The following KCNJ3 variants were observed in gnomAD, a reference collection of about 807,000 sequenced individuals.
KCNJ3 encodes potassium inwardly rectifying channel subfamily J member 3, also known as G protein-activated inward rectifier potassium channel 1.
A neutral mutation model predicts 39.2 loss-of-function variants in KCNJ3; 4 were observed. That is an observed-to-expected ratio of 0.10 (90% CI 0.05 to 0.23). KCNJ3 has a LOEUF of 0.23. Ranked by LOEUF, KCNJ3 falls within the 10% of genes least tolerant of loss-of-function variation. KCNJ3 has a pLI of 1.00. For synonymous variants in KCNJ3, 230 were observed against 237.4 expected (o/e 0.97, Z 0.29); for missense variants, 276 against 634.9 (o/e 0.43, Z 6.08).
chr2:154,711,227 T>C (rs960097852), intron 2 of KCNJ3, among the ~76,000 whole-genome samples: 1 of 152,118 alleles, frequency 6.6e-6, no homozygotes, highest in Non-Finnish European at 1.5e-5. Context: ...GTATAACCAA[T>C]ATATAAAGGC....
chr2:154,754,107 C>T (rs192851576), intron 2 of KCNJ3, among the ~76,000 whole-genome samples: 4 of 152,214 alleles, frequency 2.6e-5, no homozygotes, highest in Admixed American at 1.3e-4. Flanking sequence ...TTACAAAGTT[C>T]CCATCTATTC....
intron 2 of KCNJ3, among the ~76,000 whole-genome samples, chr2:154,820,228 C>T (rs971648839): frequency 1.3e-5 from 2 of 152,092 alleles, no homozygotes; most frequent in Non-Finnish European, 2.9e-5. Context: ...GCATATACAG[C>T]CCACTTTATC....
rs1485006357 is a variant in KCNJ3, at chr2:154,752,178, A to AAG, written c.919+42360_919+42361insGA. Among the ~76,000 whole-genome samples, 129 of 152,182 alleles carry AAG rather than the reference A, an allele frequency of 8.5e-4. 2 individuals are homozygous for AAG. Among genetic ancestry groups the AAG allele is most frequent in the Non-Finnish European group, 4.4e-5 (3 of 67,942 alleles). ...TTAAGTGCTGAAAAATATATTCTTG[A>AAG]ATATATAAACATTTTGGTGTACTCA... On this transcript the variant is annotated intron_variant, in intron 2 of 2. Transcript: ENST00000295101.
chr2:154,721,930 A>G (rs1410042006), intron 2 of KCNJ3, among the ~76,000 whole-genome samples: 2 of 152,150 alleles, frequency 1.3e-5, no homozygotes, highest in African/African-American at 4.8e-5. Context: ...AGTTATTTAA[A>G]TGCATGTCTT....
chr2:154,829,800 CTTA>C (rs1017095094), intron 2 of KCNJ3, among the ~76,000 whole-genome samples: 9 of 152,070 alleles, frequency 5.9e-5, no homozygotes, highest in African/African-American at 1.9e-4. Context: ...TAATAACATT[CTTA>C]TTATCAATTA....
At chr2:154,755,821 G>A (rs751963002) in intron 2 of KCNJ3, among the ~76,000 whole-genome samples, 24 of 151,970 alleles carry the variant, frequency 1.6e-4, no homozygotes, top group Non-Finnish European at 3.4e-4. Context: ...GATAGGGTGG[G>A]AAATTTAGAT....
intron 2 of KCNJ3, among the ~76,000 whole-genome samples, chr2:154,780,228 T>C (rs1372281031): frequency 6.6e-6 from 1 of 152,140 alleles, no homozygotes; most frequent in East Asian, 1.9e-4. Flanking sequence ...CTGGTTATAA[T>C]AAGTGTTTCA....
intron 2 of KCNJ3, among the ~76,000 whole-genome samples, chr2:154,787,388 A>G (rs1305844889): frequency 6.6e-6 from 1 of 151,962 alleles, no homozygotes. Context: ...GAATTTCAAC[A>G]TATAATGGAG....
intron 2 of KCNJ3, among the ~76,000 whole-genome samples, chr2:154,728,379 C>A (rs111798458): frequency 0.025 from 3,815 of 152,186 alleles, 136 homozygotes; most frequent in African/African-American, 0.087. Context: ...TGCTGGGCAG[C>A]CATGCAAATG....
At chr2:154,701,937 T>G (rs1263385544) in intron 1 of KCNJ3, among the ~76,000 whole-genome samples, 1 of 152,008 alleles carries the variant, frequency 6.6e-6, no homozygotes, top group Admixed American at 6.5e-5. Flanking sequence ...TAGTTCCTGT[T>G]ATTCCTTAGA....
intron 2 of KCNJ3, among the ~76,000 whole-genome samples, chr2:154,710,629 G>A (rs1229153019): frequency 6.6e-6 from 1 of 152,136 alleles, no homozygotes; most frequent in Non-Finnish European, 1.5e-5. Flanking sequence ...ATATGTGTGT[G>A]TGTGTATGTG....
At chr2:154,724,245 G>A (rs1469616260) in intron 2 of KCNJ3, among the ~76,000 whole-genome samples, 2 of 152,052 alleles carry the variant, frequency 1.3e-5, no homozygotes, top group Non-Finnish European at 2.9e-5. Flanking sequence ...ATTACACAGT[G>A]TTGTTGTGGG....
intron 2 of KCNJ3, among the ~76,000 whole-genome samples, chr2:154,831,517 A>C (rs972601592): frequency 6.6e-6 from 1 of 152,162 alleles, no homozygotes; most frequent in Admixed American, 6.6e-5. Context: ...TGTCAGTACT[A>C]GCTGTAGCAT....
chr2:154,789,938 A>G (rs866755634), intron 2 of KCNJ3, among the ~76,000 whole-genome samples: 5 of 152,142 alleles, frequency 3.3e-5, no homozygotes, highest in Non-Finnish European at 5.9e-5. Flanking sequence ...GTTCTTTAAT[A>G]GGAATATGAT....
At chr2:154,786,028 G>A (rs1191704732) in intron 2 of KCNJ3, among the ~76,000 whole-genome samples, 1 of 152,172 alleles carries the variant, frequency 6.6e-6, no homozygotes, top group Non-Finnish European at 1.5e-5. Flanking sequence ...AGGTGTCAAT[G>A]TTTTAATCAT....
At chr2:154,794,672 T>C (rs1038389126) in intron 2 of KCNJ3, among the ~76,000 whole-genome samples, 3 of 152,072 alleles carry the variant, frequency 2.0e-5, no homozygotes, top group African/African-American at 7.2e-5. Flanking sequence ...ATGAATCTCA[T>C]TGATGAACAA....
chr2:154,767,960 T>G (rs986569121), intron 2 of KCNJ3, among the ~76,000 whole-genome samples: 24 of 152,368 alleles, frequency 1.6e-4, no homozygotes, highest in Non-Finnish European at 2.9e-4. Context: ...TTTTTTCATG[T>G]GTCTGTTGGC....
intron 2 of KCNJ3, among the ~76,000 whole-genome samples, chr2:154,711,338 T>C (rs1423244733): frequency 1.3e-5 from 2 of 152,094 alleles, no homozygotes; most frequent in Non-Finnish European, 2.9e-5. Flanking sequence ...TTTTTATTGG[T>C]TTATTTCTTA....
intron 2 of KCNJ3, among the ~76,000 whole-genome samples, chr2:154,749,268 AAATT>A (rs2105180377): frequency 6.6e-6 from 1 of 152,210 alleles, no homozygotes; most frequent in African/African-American, 2.4e-5. Context: ...ACCCCCCTCA[AAATT>A]AATTAAAGCT....
Sources: gnomAD v4.1 joint callset for allele counts (sites outside exome capture counted in the v4.1 genomes callset) on GRCh38, gnomAD v4.1.1 for gene constraint, MANE v1.5 for transcripts, NCBI Gene and HGNC (gene_info 2026-07-23, HGNC 2026-07-21) for gene names.